MST1R: variants seen among roughly 807,000 people sequenced by gnomAD.
MST1R encodes the protein macrophage-stimulating protein receptor.
In MST1R, 99 loss-of-function variants were observed where a neutral mutation model predicts 117.8. The ratio of observed to expected loss-of-function variants is 0.84; its 90% confidence interval spans 0.71 to 0.99. The LOEUF (loss-of-function observed/expected upper bound fraction) is 0.99, where lower values mean the gene tolerates loss of function less well. Among genes scored for constraint, MST1R ranks in the 50% least tolerant of loss-of-function variants. MST1R has a pLI of 0.00. For missense variants in MST1R, 1,683 were observed against 1,840.2 expected (o/e 0.91, Z 1.56); for synonymous variants, 734 against 765.3 (o/e 0.96, Z 0.68).
At chr3:49,900,227 T>C (rs2082631903) in intron 1 of MST1R, among the ~76,000 whole-genome samples, 1 of 152,134 alleles carries the variant, frequency 6.6e-6, no homozygotes, top group South Asian at 2.1e-4. Context: ...ACAGCCTGGG[T>C]GCCAGAACTA....
At position 49,903,860 on chromosome 3, in the gene MST1R, C is replaced by T. The variant is rs2082776330; in HGVS notation, c.-251G>A. ...CAGCCGCCTCACCTGCCGCCCCAGC[C>T]GCCGCTGTACACTGGCGCTTAGCGC... On this transcript the variant is annotated 5_prime_UTR_variant, in exon 1 of 20. Coordinates refer to ENST00000296474, the MANE Select transcript of MST1R (RefSeq NM_002447.4). 3 of 525,832 alleles carry T rather than the reference C, an allele frequency of 5.7e-6. No homozygotes were observed. The highest frequency in any genetic ancestry group is 3.3e-6 in the Non-Finnish European group (1 of 304,056). 32.6% of individuals were successfully genotyped at this position (525,832 alleles called of 1,614,324 possible). A position where few individuals can be genotyped will look rare whatever the true frequency, so the allele number is the denominator to read the frequency against.
Position 49,902,927 on chromosome 3 carries a change from A to C in MST1R, c.683T>G (p.Phe228Cys). 8.1e-6 allele frequency: 13 copies of C among 1,613,446 alleles called. No individual in the cohort carries two copies. The highest frequency in any genetic ancestry group is 1.1e-5 in the Non-Finnish European group (13 of 1,180,026). The change falls in exon 1 of 20, where the codon TTC (phenylalanine) becomes TGC (cysteine). Residue 228 changes from phenylalanine to cysteine, a missense_variant. By Grantham distance (205) the Phe-to-Cys change is radical. Transcript: ENST00000296474. ...IRRLKADASG[F>C]APGFVALSVL... is the part of the protein sequence containing the mutation. ...TGACAACGCCACAAAGCCCGGTGCG[A>C]ATCCCGAGGCGTCAGCCTTGAGACG...
At chr3:49,889,093 G>C (rs1464720042) in intron 19 of MST1R, among the ~76,000 whole-genome samples, 1 of 152,180 alleles carries the variant, frequency 6.6e-6, no homozygotes, top group Non-Finnish European at 1.5e-5. Context: ...AGAAAACTGT[G>C]GTGGGTCATC....
At chr3:49,900,544 G>A (rs1277192890) in intron 1 of MST1R, among the ~76,000 whole-genome samples, 2 of 152,200 alleles carry the variant, frequency 1.3e-5, no homozygotes, top group African/African-American at 2.4e-5. Flanking sequence ...TAGCCCTGGA[G>A]GCAAAAGTAG....
In MST1R at chr3:49,890,508, T is replaced by A. The variant is rs1174379391; in HGVS notation, c.3787A>T (p.Arg1263Ter). 20 of 1,613,848 alleles carry A rather than the reference T, an allele frequency of 1.2e-5. No individual in the cohort carries two copies. The highest frequency in any genetic ancestry group is 3.3e-5 in the Admixed American group (2 of 59,992). ...WMALESLQTY[R>*]FTTKSDVWSF... ...ACCACATCAGACTTGGTGGTAAATC[T>A]ATAGGTCTGCAGGCTCTCCAGCGCC... Residue 1263 changes from arginine (R) to a stop codon, truncating the protein, a stop_gained, in exon 18 of 20, where the codon AGA becomes TGA. Transcript: ENST00000296474. LOFTEE classifies it high-confidence loss of function.
rs753371980 is a variant in MST1R at position 49,903,772 on chromosome 3, A to C, written c.-163T>G. The C allele has an allele frequency of 9.1e-6, 9 of 988,318 alleles. No homozygotes were observed. Among genetic ancestry groups the C allele is most frequent in the Non-Finnish European group, 1.3e-5 (9 of 696,234 alleles). 61.2% of individuals were successfully genotyped at this position (988,318 alleles called of 1,614,324 possible). On this transcript the variant is annotated 5_prime_UTR_variant, in exon 1 of 20. Transcript: ENST00000296474. ...CCCGCCCCAGGTTCCTGTGAAACCCAAATCCCTTCCCGGCCCTCGGGTCTG... is the reference window on the plus strand; with the variant it reads ...CCCGCCCCAGGTTCCTGTGAAACCCCAATCCCTTCCCGGCCCTCGGGTCTG...
intron 17 of MST1R, among the ~76,000 whole-genome samples, chr3:49,890,954 C>T (rs1190499352): frequency 6.6e-6 from 1 of 152,172 alleles, no homozygotes. Flanking sequence ...TCTCGATCTC[C>T]TGACCTCATG....
Position 49,895,809 on chromosome 3 carries a change from G to A in MST1R, c.2868C>T (p.Ser956=). The A allele has an allele frequency of 6.2e-7, 1 of 1,614,006 alleles. No homozygotes were observed. Among genetic ancestry groups the A allele is most frequent in the Non-Finnish European group, 8.5e-7 (1 of 1,180,000 alleles). ...AAGGCAGCAGGATACCAAGGAGCGT[G>A]CTCTGTGGGACCCCATCTGGCCCTG... The part of the protein sequence containing the change: ...VRPGPDGVPQ[S]TLLGILLPLL... Residue 956 remains serine, a synonymous_variant, in exon 12 of 20, where the codon AGC becomes AGT. Transcript: ENST00000296474.
At position 49,903,411 on chromosome 3, in the gene MST1R, C is replaced by T. The variant is rs1253864276; in HGVS notation, c.199G>A (p.Glu67Lys). 6 of 1,614,002 alleles carry T rather than the reference C, an allele frequency of 3.7e-6. No homozygotes were observed. Among genetic ancestry groups the T allele is most frequent in the Non-Finnish European group, 5.1e-6 (6 of 1,180,022 alleles). The change falls in exon 1 of 20, where the codon GAG becomes AAG. Residue 67 changes from glutamate to lysine, a missense_variant. Coordinates refer to ENST00000296474, the MANE Select transcript of MST1R (RefSeq NM_002447.4). The part of the protein sequence containing the change: ...AMVTYEGDRN[E>K]SAVFVAIRNR... ...CGTATGGCTACAAACACAGCACTCT[C>T]ATTTCTGTCGCCCTCGTAGGTCACC...
rs766874147 is a variant in MST1R, at chr3:49,902,607, T to C, written c.1003A>G (p.Thr335Ala). The C allele has an allele frequency of 3.7e-6, 6 of 1,613,398 alleles. No homozygotes were observed. The highest frequency in any genetic ancestry group is 1.7e-5 in the Admixed American group (1 of 59,998). Residue 335 changes from threonine to alanine, a missense_variant, in exon 1 of 20, where the codon ACT (threonine) becomes GCT (alanine). Transcript: ENST00000296474. ...TGGCCCTCGGCGATGCTCAGCTCAG[T>C]GGCAAGTTGGGCACCCACTGGAGCG... ...HSAPVGAQLA[T>A]ELSIAEGQEV...
At chr3:49,901,438 C>T (rs2082673508) in intron 1 of MST1R, among the ~76,000 whole-genome samples, 1 of 152,144 alleles carries the variant, frequency 6.6e-6, no homozygotes, top group Non-Finnish European at 1.5e-5. Flanking sequence ...AAGGAGCCCC[C>T]AGTTCAGCAC....
intron 14 of MST1R, among the ~76,000 whole-genome samples, chr3:49,892,925 A>G (rs2082355595): frequency 6.6e-6 from 1 of 151,956 alleles, no homozygotes; most frequent in Admixed American, 6.6e-5. Flanking sequence ...GCACTACTGC[A>G]CTCCAGCCTG....
intron 12 of MST1R, 81 bp from the exon 13 acceptor site, chr3:49,895,629 G>A: frequency 1.2e-6 from 2 of 1,611,274 alleles, no homozygotes; most frequent in Non-Finnish European, 1.7e-6. Flanking sequence ...AGATCCCTAA[G>A]TCCTGGGCAG....
At chr3:49,891,901 A>G in intron 14 of MST1R, 63 bp from the exon 15 acceptor site, 1 of 1,399,222 alleles carries the variant, frequency 7.1e-7, no homozygotes, top group East Asian at 2.3e-5. Flanking sequence ...CACACCACAC[A>G]TTCTCATTGG....
chr3:49,889,498 C>T (rs1025773143), intron 19 of MST1R, among the ~76,000 whole-genome samples: 1 of 152,168 alleles, frequency 6.6e-6, no homozygotes, highest in Non-Finnish European at 1.5e-5. Flanking sequence ...AATGCAGCTG[C>T]CGCCATCCCT....
chr3:49,887,490 C>T lies in MST1R; in HGVS notation c.4020G>A (p.Glu1340=), dbSNP rs2082197549. ...VRPTFRVLVG[E]VEQIVSALLG... The stretch of plus-strand genomic sequence containing the variant: ...GCAGTGCAGACACTATCTGCTCCAC[C>T]TCCCCCACTAGTACTCTGAAGGTGG... The change falls in exon 20 of 20, where the codon GAG becomes GAA. Residue 1340 remains glutamate, a synonymous_variant. Transcript: ENST00000296474. 6.2e-7 allele frequency: 1 copy of T among 1,614,106 alleles called. No individual in the cohort carries two copies. The highest frequency in any genetic ancestry group is 8.5e-7 in the Non-Finnish European group (1 of 1,180,038).
chr3:49,891,351 T>A (rs1209416269), intron 16 of MST1R, 45 bp from the exon 17 acceptor site: 1 of 1,612,914 alleles, frequency 6.2e-7, no homozygotes, highest in Non-Finnish European at 8.5e-7. Flanking sequence ...AGCAGCTCCT[T>A]CTCCAGCTGC....
chr3:49,900,366 C>T (rs763313718), intron 1 of MST1R, among the ~76,000 whole-genome samples: 5 of 152,118 alleles, frequency 3.3e-5, no homozygotes, highest in Non-Finnish European at 5.9e-5. Flanking sequence ...GGTATGAACT[C>T]GCGGTGTTGG....
In MST1R at chr3:49,903,512, G is replaced by A. The variant is rs2108515736; in HGVS notation, c.98C>T (p.Pro33Leu). Residue 33 changes from proline (P) to leucine (L), a missense_variant, in exon 1 of 20, where the codon CCC becomes CTC. Physicochemically the swap from Pro to Leu is moderately conservative, Grantham distance 98 (BLOSUM62 -3). Transcript: ENST00000296474. ...GTCAAAGTCGCGAGAGGCCGCGTAG[G>A]GGGTGCGCGGGCACTGCCAGTCCTC... The part of the protein sequence containing the change: ...AGEDWQCPRT[P>L]YAASRDFDVK... 1.9e-6 allele frequency: 3 copies of A among 1,608,620 alleles called. No individual in the cohort carries two copies. The highest frequency in any genetic ancestry group is 2.5e-6 in the Non-Finnish European group (3 of 1,179,834).
Sources: gnomAD v4.1 joint callset for allele counts (sites outside exome capture counted in the v4.1 genomes callset) on GRCh38, gnomAD v4.1.1 for gene constraint, MANE v1.5 for transcripts, NCBI Gene and HGNC (gene_info 2026-07-23, HGNC 2026-07-21) for gene names.